Variants in RANBP17 observed in about 807,000 individuals in gnomAD.
RANBP17 encodes the protein ran-binding protein 17.
RANBP17 carries 158 observed loss-of-function variants against 141.2 expected under a neutral mutation model. The observed-to-expected ratio is 1.12, with a 90% CI of 0.98 to 1.28. The LOEUF (loss-of-function observed/expected upper bound fraction) is 1.28, where lower values mean the gene tolerates loss of function less well. Among genes scored for constraint, RANBP17 ranks in the 50% most tolerant of loss-of-function variants. The pLI is 0.00. For synonymous variants in RANBP17, 430 were observed against 450.0 expected (o/e 0.96, Z 0.56); for missense variants, 1,438 against 1,290.7 (o/e 1.11, Z -1.75).
intron 5 of RANBP17, among the ~76,000 whole-genome samples, chr5:170,900,105 T>A (rs751231653): frequency 3.3e-5 from 5 of 152,210 alleles, no homozygotes; most frequent in African/African-American, 1.2e-4. Flanking sequence ...CAGCTCCTCT[T>A]TGTAACTCTG....
chr5:171,095,038 C>CT (rs1433744879), intron 14 of RANBP17, among the ~76,000 whole-genome samples: 1 of 152,104 alleles, frequency 6.6e-6, no homozygotes, highest in Non-Finnish European at 1.5e-5. Flanking sequence ...TATAACATAG[C>CT]ACAGAGGCCC....
chr5:171,067,555 G>A (rs779653), intron 14 of RANBP17, among the ~76,000 whole-genome samples: 92,813 of 151,810 alleles, frequency 0.61, 29,725 homozygotes, highest in South Asian at 0.88. Context: ...ATTTCTTAAT[G>A]GGGCTAGTCT....
intron 14 of RANBP17, among the ~76,000 whole-genome samples, chr5:171,058,513 A>G (rs966647488): frequency 3.6e-4 from 55 of 151,974 alleles, no homozygotes; most frequent in African/African-American, 1.2e-3. Context: ...ATGGCTGCAT[A>G]GTATTCCACA....
chr5:171,124,564 C>T (rs1756287350), intron 14 of RANBP17, among the ~76,000 whole-genome samples: 1 of 152,032 alleles, frequency 6.6e-6, no homozygotes, highest in Non-Finnish European at 1.5e-5. Context: ...CTCCAGATCA[C>T]ATCATAGTCA....
intron 25 of RANBP17, among the ~76,000 whole-genome samples, chr5:171,273,694 T>C (rs1767277922): frequency 6.6e-6 from 1 of 152,182 alleles, no homozygotes; most frequent in Non-Finnish European, 1.5e-5. Context: ...TCCACTTCTG[T>C]AGTATACAAT....
At chr5:171,058,346 G>T (rs1396945373) in intron 14 of RANBP17, among the ~76,000 whole-genome samples, 5 of 122,506 alleles carry the variant, frequency 4.1e-5, no homozygotes, top group Non-Finnish European at 7.9e-5. Context: ...AGAGTGTGAT[G>T]TTCCTCTTCC....
At chr5:171,180,894 A>G (rs1356805988) in intron 16 of RANBP17, among the ~76,000 whole-genome samples, 2 of 152,212 alleles carry the variant, frequency 1.3e-5, no homozygotes, top group South Asian at 2.1e-4. Context: ...TCTATTGTCA[A>G]AACATGACTT....
chr5:170,901,527 G>T (rs1770636154), intron 5 of RANBP17, among the ~76,000 whole-genome samples: 1 of 152,186 alleles, frequency 6.6e-6, no homozygotes, highest in Non-Finnish European at 1.5e-5. Flanking sequence ...TACATTTAAG[G>T]TTAGTATTGT....
chr5:171,106,954 C>G (rs1012842385), intron 14 of RANBP17, among the ~76,000 whole-genome samples: 1 of 152,090 alleles, frequency 6.6e-6, no homozygotes, highest in Non-Finnish European at 1.5e-5. Flanking sequence ...TCAAAAGATA[C>G]TCATACTTGG....
At chr5:170,866,422 C>G (rs1270501486) in intron 1 of RANBP17, among the ~76,000 whole-genome samples, 1 of 152,184 alleles carries the variant, frequency 6.6e-6, no homozygotes, top group East Asian at 1.9e-4. Flanking sequence ...CGCCTGTAAT[C>G]CCAGCACTTT....
At chr5:171,227,169 C>T (rs775276112) in intron 22 of RANBP17, among the ~76,000 whole-genome samples, 19 of 152,116 alleles carry the variant, frequency 1.2e-4, no homozygotes, top group Non-Finnish European at 1.9e-4. Flanking sequence ...TTAAGCTTAG[C>T]GAAGAAGGCA....
At chr5:171,233,587 A>G (rs1581083959) in intron 22 of RANBP17, among the ~76,000 whole-genome samples, 1 of 152,344 alleles carries the variant, frequency 6.6e-6, no homozygotes, top group African/African-American at 2.4e-5. Context: ...CTAGAAAACT[A>G]CAAAAAGATA....
chr5:171,124,113 A>C (rs1756250747), intron 14 of RANBP17, among the ~76,000 whole-genome samples: 1 of 152,182 alleles, frequency 6.6e-6, no homozygotes, highest in South Asian at 2.1e-4. Flanking sequence ...CAATAACAAG[A>C]AATCAGGAAA....
chr5:171,198,928 T>G (rs1409177052), intron 18 of RANBP17, among the ~76,000 whole-genome samples: 1 of 152,140 alleles, frequency 6.6e-6, no homozygotes, highest in African/African-American at 2.4e-5. Flanking sequence ...AAACCCCTTT[T>G]GAAAAAGAAT....
intron 24 of RANBP17, among the ~76,000 whole-genome samples, chr5:171,245,864 GT>G (rs933819551): frequency 6.0e-5 from 9 of 148,934 alleles, no homozygotes; most frequent in African/African-American, 2.2e-4. Context: ...AGCCTTGGGA[GT>G]TTCTTCTCAT....
intron 14 of RANBP17, among the ~76,000 whole-genome samples, chr5:171,055,904 AAAAAC>A (rs1783328587): frequency 4.4e-4 from 65 of 147,110 alleles, no homozygotes; most frequent in Admixed American, 1.6e-3. Context: ...AAACAAAAAA[AAAAAC>A]ATTCTTATTA....
chr5:170,981,261 C>CT (rs35667640), intron 14 of RANBP17, among the ~76,000 whole-genome samples: 101,935 of 151,930 alleles, frequency 0.67, 34,474 homozygotes, highest in South Asian at 0.89. Context: ...GGACTGTGGA[C>CT]TTTGAGTTAA....
chr5:170,898,990 C>CT (rs1486562182), intron 5 of RANBP17, among the ~76,000 whole-genome samples: 1 of 152,048 alleles, frequency 6.6e-6, no homozygotes, highest in Non-Finnish European at 1.5e-5. Flanking sequence ...TTAGGATTGT[C>CT]TTGGCTATAT....
At position 171,252,021 on chromosome 5, in the gene RANBP17, G is replaced by C. The variant is rs969128437; in HGVS notation, c.2776+9201G>C. 53 of 1,607,110 alleles carry C rather than the reference G, an allele frequency of 3.3e-5. No homozygotes were observed. In the Admixed American group the frequency reaches 4.5e-4, roughly 14 times the overall value. On this transcript the variant is annotated intron_variant, in intron 24 of 27. Transcript: ENST00000523189. The stretch of plus-strand genomic sequence containing the variant: ...CATTTCGGGAAACAGTTCTTGCATA[G>C]AAGAGTCAACCTAGGAAAAAGGAGA...
Sources: gnomAD v4.1 joint callset for allele counts (sites outside exome capture counted in the v4.1 genomes callset) on GRCh38, gnomAD v4.1.1 for gene constraint, MANE v1.5 for transcripts, NCBI Gene and HGNC (gene_info 2026-07-23, HGNC 2026-07-21) for gene names.